The following CSMD2 variants were observed in gnomAD, a reference collection of about 807,000 sequenced individuals.
CSMD2 encodes CUB and Sushi multiple domains 2.
A neutral mutation model predicts 398.5 loss-of-function variants in CSMD2; 130 were observed. That is an observed-to-expected ratio of 0.33 (90% CI 0.28 to 0.38). CSMD2 has a LOEUF of 0.38. Among genes scored for constraint, CSMD2 ranks in the 10% least tolerant of loss-of-function variants. The pLI is 1.00. For synonymous variants in CSMD2, 1,828 were observed against 1,908.5 expected (o/e 0.96, Z 1.10); for missense variants, 3,829 against 4,764.9 (o/e 0.80, Z 5.78).
Position 33,654,405 on chromosome 1 carries a change from A to G in CSMD2, c.4448-1944T>C, listed in dbSNP as rs536033307. Among the ~76,000 whole-genome samples, 3 of 152,190 alleles carry G rather than the reference A, an allele frequency of 2.0e-5. No individual in the cohort carries two copies. The South Asian group carries it at 6.2e-4, about 32-fold the overall frequency. On this transcript the variant is annotated intron_variant, in intron 27 of 70. Transcript: ENST00000373381. ...AAAGTCTGTTGTTTTCCCCCTTTCT[A>G]CTTCCATACAGTCGGTAGCAGTAGC...
At chr1:34,110,128 T>C (rs1660924688) in intron 1 of CSMD2, among the ~76,000 whole-genome samples, 1 of 139,412 alleles carries the variant, frequency 7.2e-6, no homozygotes, top group Non-Finnish European at 1.6e-5. Flanking sequence ...GAAATGCAAA[T>C]CAAAATCACA....
At chr1:33,709,387 G>T in intron 21 of CSMD2, 129 bp from the exon 22 acceptor site, 1 of 715,456 alleles carries the variant, frequency 1.4e-6, no homozygotes, top group Non-Finnish European at 2.3e-6. Context: ...GTGCCTGCGT[G>T]TCTGTCCAGT....
intron 3 of CSMD2, among the ~76,000 whole-genome samples, chr1:33,966,753 A>G (rs1170424914): frequency 6.6e-6 from 1 of 152,196 alleles, no homozygotes; most frequent in East Asian, 1.9e-4. Context: ...AAATCATTTC[A>G]GCAAGTGCTT....
intron 5 of CSMD2, 29 bp from the exon 6 acceptor site, chr1:33,847,025 G>T: frequency 6.6e-7 from 1 of 1,510,026 alleles, no homozygotes; most frequent in South Asian, 1.1e-5. Context: ...GATGGGCTCA[G>T]GGACCAGAGC....
At chr1:33,554,053 T>A (rs1570713644) in intron 55 of CSMD2, among the ~76,000 whole-genome samples, 1 of 151,986 alleles carries the variant, frequency 6.6e-6, no homozygotes, top group Admixed American at 6.6e-5. Context: ...GCCATTTCTA[T>A]AACATAAAAG....
At chr1:33,551,683 A>G (rs553549454) in intron 55 of CSMD2, among the ~76,000 whole-genome samples, 22 of 152,366 alleles carry the variant, frequency 1.4e-4, no homozygotes, top group African/African-American at 5.3e-4. Flanking sequence ...ATGGTAGATT[A>G]TCTGCAAAGA....
rs1641482452 is a variant in CSMD2 at position 34,162,881 on chromosome 1, A to C, written c.187+2030T>G. 2.0e-5 allele frequency among the ~76,000 whole-genome samples: 3 copies of C among 152,122 alleles called. No homozygotes were observed. The South Asian group carries it at 6.2e-4, about 32-fold the overall frequency. On this transcript the variant is annotated intron_variant, in intron 1 of 70. Transcript: ENST00000373381. ...TCTTAAAAAAAATTTAAAAAGAAAG[A>C]GAAGAAAAGAAAAGAAATGTACTGG...
chr1:33,935,274 A>AG (rs34816054), intron 4 of CSMD2, among the ~76,000 whole-genome samples: 1 of 151,784 alleles, frequency 6.6e-6, no homozygotes, highest in Non-Finnish European at 1.5e-5. Flanking sequence ...TTTCTGGGGG[A>AG]GGGGGTTGTT....
At chr1:33,873,388 C>T (rs527644956) in intron 5 of CSMD2, among the ~76,000 whole-genome samples, 1 of 152,316 alleles carries the variant, frequency 6.6e-6, no homozygotes, top group East Asian at 1.9e-4. Context: ...GTGCAGTCCC[C>T]TCCCTTTGTG....
chr1:33,858,722 C>A (rs1046614623), intron 5 of CSMD2, among the ~76,000 whole-genome samples: 6 of 152,152 alleles, frequency 3.9e-5, no homozygotes, highest in African/African-American at 1.2e-4. Context: ...TCAGATGATT[C>A]CCTGGACTAC....
intron 10 of CSMD2, among the ~76,000 whole-genome samples, chr1:33,804,421 C>T (rs1039394610): frequency 2.6e-5 from 4 of 152,210 alleles, no homozygotes; most frequent in African/African-American, 9.6e-5. Flanking sequence ...ATTTCCAAGC[C>T]TACTCATCCT....
chr1:34,141,769 C>G (rs988082001), intron 1 of CSMD2, among the ~76,000 whole-genome samples: 1 of 152,100 alleles, frequency 6.6e-6, no homozygotes, highest in African/African-American at 2.4e-5. Flanking sequence ...TCTCCAGCTG[C>G]CAGGTTGGAG....
chr1:34,115,764 T>C (rs1296565817), intron 1 of CSMD2, among the ~76,000 whole-genome samples: 2 of 152,086 alleles, frequency 1.3e-5, no homozygotes, highest in African/African-American at 4.8e-5. Flanking sequence ...ATAAGTATAA[T>C]GAATACAAAA....
At chr1:33,698,704 G>C (rs1449568723) in intron 24 of CSMD2, 49 bp downstream of exon 24, 2 of 1,532,702 alleles carry the variant, frequency 1.3e-6, no homozygotes, top group Non-Finnish European at 1.8e-6. Flanking sequence ...ACTAGAGCTT[G>C]GTATTATGGG....
chr1:33,789,946 G>T (rs1654029064), intron 11 of CSMD2, among the ~76,000 whole-genome samples: 1 of 152,218 alleles, frequency 6.6e-6, no homozygotes, highest in African/African-American at 2.4e-5. Flanking sequence ...TTGGGCAAGT[G>T]GTTGAGCCTC....
chr1:33,593,830 T>C (rs1326417344), intron 44 of CSMD2, among the ~76,000 whole-genome samples: 1 of 152,196 alleles, frequency 6.6e-6, no homozygotes, highest in Non-Finnish European at 1.5e-5. Flanking sequence ...GTTCTCTGCC[T>C]TTTATATTTG....
At position 33,624,054 on chromosome 1, in the gene CSMD2, G is replaced by C. The variant is rs922450653; in HGVS notation, c.5625+465C>G. The stretch of plus-strand genomic sequence containing the variant: ...CTAGGTGTGTGCCTGGGGGTTCTCT[G>C]TGCTTCAGCTGTGCTGGGTGCTTTG... On this transcript the variant is annotated intron_variant, in intron 35 of 70. Transcript: ENST00000373381. This position sits in a 1 kb window ranked among gnomAD's most constrained non-coding sequence, Gnocchi z 4.7. 2.6e-5 allele frequency among the ~76,000 whole-genome samples: 4 copies of C among 152,194 alleles called. No homozygotes were observed. Among genetic ancestry groups the C allele is most frequent in the African/African-American group, 9.7e-5 (4 of 41,448 alleles).
intron 15 of CSMD2, among the ~76,000 whole-genome samples, chr1:33,732,524 G>A (rs1646753468): frequency 6.6e-6 from 1 of 152,218 alleles, no homozygotes; most frequent in Non-Finnish European, 1.5e-5. Flanking sequence ...AACACAGAGA[G>A]GAAGTGGGCA....
chr1:33,568,137 A>C (rs66565433), intron 52 of CSMD2, among the ~76,000 whole-genome samples: 32,396 of 151,372 alleles, frequency 0.21, 3,586 homozygotes, highest in South Asian at 0.26. Flanking sequence ...CTTCTATAAA[A>C]AAACAAACAA....
Sources: gnomAD v4.1 joint callset for allele counts (sites outside exome capture counted in the v4.1 genomes callset) on GRCh38, gnomAD v4.1.1 for gene constraint, Gnocchi (gnomAD v3.1) non-coding constraint, MANE v1.5 for transcripts, NCBI Gene and HGNC (gene_info 2026-07-23, HGNC 2026-07-21) for gene names.